The following LTBP2 variants were observed in gnomAD, a reference collection of about 807,000 sequenced individuals.
The protein encoded by LTBP2 is latent transforming growth factor beta binding protein 2, also known as latent-transforming growth factor beta-binding protein 2.
LTBP2 carries 103 observed loss-of-function variants against 210.6 expected under a neutral mutation model. The observed-to-expected ratio is 0.49, with a 90% CI of 0.42 to 0.58. The LOEUF is 0.58. Ranked by LOEUF, LTBP2 falls within the 20% of genes least tolerant of loss-of-function variation. The pLI, the probability that LTBP2 is intolerant of heterozygous loss-of-function variation, is 0.00. For missense variants in LTBP2, 2,313 were observed against 2,494.5 expected, an observed-to-expected ratio of 0.93 and a Z score of 1.55; for synonymous variants, 1,007 against 1,015.0, an observed-to-expected ratio of 0.99 and a Z score of 0.15.
intron 2 of LTBP2, among the ~76,000 whole-genome samples, chr14:74,597,904 T>C (rs2088390849): frequency 6.6e-6 from 1 of 152,188 alleles, no homozygotes; most frequent in Non-Finnish European, 1.5e-5. Context: ...TCAGTGAAGA[T>C]GAAAATCCTA....
At chr14:74,587,145 C>T (rs2088217792) in intron 2 of LTBP2, among the ~76,000 whole-genome samples, 1 of 152,162 alleles carries the variant, frequency 6.6e-6, no homozygotes, top group Non-Finnish European at 1.5e-5. Context: ...CGGCCCCTCC[C>T]CCACCAGGAC....
rs145153985 is a variant in LTBP2 at position 74,503,264 on chromosome 14, C to T, written c.4843G>A (p.Glu1615Lys). 26 of 1,614,078 alleles carry T rather than the reference C, an allele frequency of 1.6e-5. No individual in the cohort carries two copies. The highest frequency in any genetic ancestry group is 3.3e-4 in the Middle Eastern group (2 of 6,062). The change falls in exon 33 of 36, where the codon GAG becomes AAG. Residue 1615 changes from glutamate to lysine, a missense_variant. By Grantham distance (56) the Glu-to-Lys change is moderately conservative (BLOSUM62 1). Transcript: ENST00000261978. ...TYTECCCQDG[E>K]AWSQQCALCP... ...AGAGCACACTGCTGGCTCCAGGCCT[C>T]GCCGTCCTGGCAGCAGCATTCCGTG...
At chr14:74,547,331 C>T (rs919408710) in intron 8 of LTBP2, among the ~76,000 whole-genome samples, 1 of 152,148 alleles carries the variant, frequency 6.6e-6, no homozygotes, top group African/African-American at 2.4e-5. Context: ...CTCAAGAGTT[C>T]AGGATTATGC....
chr14:74,532,944 A>G (rs932182037), intron 9 of LTBP2, among the ~76,000 whole-genome samples: 1 of 152,140 alleles, frequency 6.6e-6, no homozygotes, highest in African/African-American at 2.4e-5. Flanking sequence ...GGTTCAAGCA[A>G]TTCTCATGCC....
At chr14:74,577,644 G>T (rs1206044226) in intron 3 of LTBP2, among the ~76,000 whole-genome samples, 1 of 151,826 alleles carries the variant, frequency 6.6e-6, no homozygotes, top group Admixed American at 6.6e-5. Context: ...AAGTAGCTGG[G>T]ATTACAGATG....
At chr14:74,551,410 C>T in intron 6 of LTBP2, 60 bp from the exon 7 acceptor site, 2 of 1,460,008 alleles carry the variant, frequency 1.4e-6, no homozygotes, top group South Asian at 1.4e-5. Flanking sequence ...ATTTCCAACC[C>T]TCTGAAGGGT....
At chr14:74,562,964 C>T (rs2087814780) in intron 3 of LTBP2, among the ~76,000 whole-genome samples, 1 of 152,200 alleles carries the variant, frequency 6.6e-6, no homozygotes, top group Non-Finnish European at 1.5e-5. Flanking sequence ...CTGCCCTGGT[C>T]CCCTTTCTGG....
chr14:74,540,887 T>TAA, intron 8 of LTBP2, among the ~76,000 whole-genome samples: 1 of 88,402 alleles, frequency 1.1e-5, no homozygotes, highest in Non-Finnish European at 2.4e-5. Context: ...AATATATATA[T>TAA]TATATATTAA....
intron 3 of LTBP2, 127 bp downstream of exon 3, chr14:74,585,727 T>C: frequency 1.4e-6 from 2 of 1,432,776 alleles, no homozygotes; most frequent in Non-Finnish European, 9.5e-7. Context: ...CCAAGGAGGG[T>C]GGGGAGGAGA....
intron 14 of LTBP2, 44 bp downstream of exon 14, chr14:74,526,031 C>T (rs1377636497): frequency 3.8e-6 from 6 of 1,568,612 alleles, no homozygotes; most frequent in South Asian, 1.2e-5. Flanking sequence ...GGCTCTTTCC[C>T]TCCCTTCTCT....
At chr14:74,560,162 T>C (rs528929694) in intron 3 of LTBP2, 5 of 152,176 alleles carry the variant, frequency 3.3e-5, no homozygotes, top group Non-Finnish European at 7.3e-5. Flanking sequence ...TTGCTAAGAC[T>C]TTAAGACAAA....
At chr14:74,539,371 G>A (rs1261005470) in intron 8 of LTBP2, among the ~76,000 whole-genome samples, 1 of 152,202 alleles carries the variant, frequency 6.6e-6, no homozygotes, top group African/African-American at 2.4e-5. Flanking sequence ...AGAGCTGGGT[G>A]AGCCAGCAGG....
Position 74,586,313 on chromosome 14 carries a change from C to T in LTBP2, c.566-195G>A, listed in dbSNP as rs1376485187. Among the ~76,000 whole-genome samples the T allele has an allele frequency of 1.3e-5, 2 of 152,188 alleles. No homozygotes were observed. The highest frequency in any genetic ancestry group is 2.9e-5 in the Non-Finnish European group (2 of 68,030). ...CATCCACAGACCCCCAGGACTTGTT[C>T]ACCTCTGATCTCTGGACAACCAAAG... On this transcript the variant is annotated intron_variant, in intron 2 of 35. Transcript: ENST00000261978. The surrounding 1 kb of genome is among the most constrained non-coding windows in gnomAD (Gnocchi z 4.6).
chr14:74,555,417 C>CT (rs2087715846), intron 4 of LTBP2, 86 bp downstream of exon 4: 2 of 1,399,360 alleles, frequency 1.4e-6, no homozygotes, highest in Non-Finnish European at 2.0e-6. Context: ...CTCAGCCCCT[C>CT]TGTGAGAGCA....
Position 74,611,918 on chromosome 14 carries a change from G to C in LTBP2, c.27C>G (p.Ser9Arg), listed in dbSNP as rs747573687. The C allele has an allele frequency of 2.5e-6, 4 of 1,591,458 alleles. No individual in the cohort carries two copies. Among genetic ancestry groups the C allele is most frequent in the African/African-American group, 2.7e-5 (2 of 74,302 alleles). ...AGGGGTTCCGCAGGGCGCGCCCCGGGCTGCGGGCTTTGGTCCGCGGCCTCA... is the reference window on the plus strand; with the variant it reads ...AGGGGTTCCGCAGGGCGCGCCCCGGCCTGCGGGCTTTGGTCCGCGGCCTCA... MRPRTKAR[S>R]PGRALRNPWR... Residue 9 changes from serine to arginine, a missense_variant, in exon 1 of 36, where the codon AGC becomes AGG. By Grantham distance (110) the Ser-to-Arg change is moderately radical. Transcript: ENST00000261978.
rs1425027308 is a variant in LTBP2 at position 74,537,761 on chromosome 14, CTTCTTT to C, written c.1790-1767_1790-1762del. 1.3e-5 allele frequency among the ~76,000 whole-genome samples: 2 copies of C among 151,776 alleles called. 1 individual carries two copies. Among genetic ancestry groups the C allele is most frequent in the East Asian group, 3.9e-4 (2 of 5,084 alleles). On this transcript the variant is annotated intron_variant, in intron 8 of 35. Coordinates refer to ENST00000261978, the MANE Select transcript of LTBP2 (RefSeq NM_000428.3). ...TTCATATTTTCTTCTTCTTCTTCTTCTTCTTTTTTTTGAGATGGAGTCTTGCTCTGT... is the reference window on the plus strand; with the variant it reads ...TTCATATTTTCTTCTTCTTCTTCTTCTTTTTGAGATGGAGTCTTGCTCTGT...
intron 34 of LTBP2, 107 bp downstream of exon 34, chr14:74,502,546 C>T: frequency 6.6e-7 from 1 of 1,517,940 alleles, no homozygotes; most frequent in South Asian, 1.1e-5. Flanking sequence ...GTGTGTCTTT[C>T]CCCTTCCCAG....
At chr14:74,531,804 TCTGCCATTGGGGGCTG>T (rs751524825) in intron 10 of LTBP2, among the ~76,000 whole-genome samples, 1 of 152,258 alleles carries the variant, frequency 6.6e-6, no homozygotes, top group Non-Finnish European at 1.5e-5. Flanking sequence ...TGGTGTCAGT[TCTGCCATTGGGGGCTG>T]CTGCCAGCCT....
At position 74,503,252 on chromosome 14, in the gene LTBP2, G is replaced by C; in HGVS notation, c.4855C>G (p.Gln1619Glu). The C allele has an allele frequency of 6.2e-7, 1 of 1,614,068 alleles. No homozygotes were observed. Among genetic ancestry groups the C allele is most frequent in the Non-Finnish European group, 8.5e-7 (1 of 1,180,050 alleles). Residue 1619 changes from glutamine to glutamate, a missense_variant, in exon 33 of 36, where the codon CAG becomes GAG. Physicochemically the swap from Gln to Glu is conservative, Grantham distance 29. Around this residue, in one of 3 missense-constraint regions of LTBP2, gnomAD observed 443 missense variants for 501.4 expected, o/e 0.88. Coordinates refer to ENST00000261978, the MANE Select transcript of LTBP2 (RefSeq NM_000428.3). Reference protein sequence around the residue: ...CCCQDGEAWSQQCALCPPRSS... With the variant: ...CCCQDGEAWSEQCALCPPRSS... ...CTCGGGGGACACAGAGCACACTGCT[G>C]GCTCCAGGCCTCGCCGTCCTGGCAG... is the stretch of plus-strand genomic sequence containing the variant.
Sources: gnomAD v4.1 joint callset for allele counts (sites outside exome capture counted in the v4.1 genomes callset) on GRCh38, gnomAD v4.1.1 for gene constraint, gnomAD v4.1.1 regional missense constraint, Gnocchi (gnomAD v3.1) non-coding constraint, MANE v1.5 for transcripts, NCBI Gene and HGNC (gene_info 2026-07-23, HGNC 2026-07-21) for gene names.